Variants in XPO4 observed in about 807,000 individuals in gnomAD.
The protein encoded by XPO4 is exportin-4.
A neutral mutation model predicts 143.0 loss-of-function variants in XPO4; 39 were observed. The observed-to-expected ratio is 0.27, with a 90% CI of 0.21 to 0.36. The LOEUF (loss-of-function observed/expected upper bound fraction) is 0.36, where lower values mean the gene tolerates loss of function less well. XPO4 is among the 10% of genes least tolerant of loss of function. The pLI is 1.00. For synonymous variants in XPO4, 439 were observed against 474.0 expected, an observed-to-expected ratio of 0.93 and a Z score of 0.96; for missense variants, 907 against 1,348.0, an observed-to-expected ratio of 0.67 and a Z score of 5.12.
rs571312206 is a variant in XPO4, at chr13:20,810,853, T to C, written c.1174-886A>G. The stretch of plus-strand genomic sequence containing the variant: ...TTAGCTTGTAATCCTAATTGTCCTC[T>C]TTCCTATTCTTTCTTCTTCATTTAG... On this transcript the variant is annotated intron_variant, in intron 9 of 22. Transcript: ENST00000255305. 3.3e-5 allele frequency among the ~76,000 whole-genome samples: 5 copies of C among 152,334 alleles called. No homozygotes were observed. In the South Asian group the frequency reaches 1.0e-3, roughly 32 times the overall value.
At chr13:20,858,707 T>C (rs2060167768) in intron 3 of XPO4, among the ~76,000 whole-genome samples, 1 of 151,658 alleles carries the variant, frequency 6.6e-6, no homozygotes, top group Non-Finnish European at 1.5e-5. Flanking sequence ...CCGTCTCTAC[T>C]AAAAATGCAA....
chr13:20,815,470 A>G (rs761068484), intron 9 of XPO4, among the ~76,000 whole-genome samples: 1 of 152,182 alleles, frequency 6.6e-6, no homozygotes, highest in Non-Finnish European at 1.5e-5. Context: ...CTAAAATATA[A>G]AAAGTCTTTA....
intron 7 of XPO4, among the ~76,000 whole-genome samples, chr13:20,826,483 C>T (rs1441860857): frequency 6.6e-6 from 1 of 152,188 alleles, no homozygotes; most frequent in Non-Finnish European, 1.5e-5. Context: ...CCCATTCTCA[C>T]TGTCACACAG....
intron 6 of XPO4, among the ~76,000 whole-genome samples, chr13:20,839,187 C>T (rs2059948562): frequency 6.6e-6 from 1 of 152,082 alleles, no homozygotes; most frequent in Non-Finnish European, 1.5e-5. Flanking sequence ...TCGCCTGCAC[C>T]CAGAAGGCAG....
At chr13:20,794,643 G>C (rs2059332187) in intron 18 of XPO4, among the ~76,000 whole-genome samples, 1 of 152,180 alleles carries the variant, frequency 6.6e-6, no homozygotes, top group Non-Finnish European at 1.5e-5. Flanking sequence ...TAAGGTGGGA[G>C]AATAGTTTAA....
chr13:20,805,923 CT>C (rs59858147), intron 13 of XPO4, among the ~76,000 whole-genome samples: 359 of 143,496 alleles, frequency 2.5e-3, no homozygotes, highest in Middle Eastern at 0.01. Context: ...AACATGGTGA[CT>C]TTTTTTTTTT....
intron 4 of XPO4, chr13:20,851,048 A>G: frequency 2.0e-6 from 2 of 985,300 alleles, no homozygotes; most frequent in South Asian, 9.4e-5. Context: ...ATCAGTTATC[A>G]TTCTCCTTTC....
chr13:20,902,472 G>C lies in XPO4; in HGVS notation c.69+198C>G, dbSNP rs1361381857. On this transcript the variant is annotated intron_variant, in intron 1 of 22. Coordinates refer to ENST00000255305, the MANE Select transcript of XPO4 (RefSeq NM_022459.5). ...GCTGGGCAGCCAGGGGAAGGGGACA[G>C]CTCCTGGAAGGAGGGGACGACGGCA... is the stretch of plus-strand genomic sequence containing the variant. The C allele has an allele frequency of 4.1e-6, 4 of 985,426 alleles. No homozygotes were observed. In the East Asian group the frequency reaches 4.5e-4, roughly 112 times the overall value. 61.0% of individuals were successfully genotyped at this position (985,426 alleles called of 1,614,324 possible).
intron 6 of XPO4, among the ~76,000 whole-genome samples, chr13:20,836,542 A>G (rs949040177): frequency 6.6e-6 from 1 of 152,030 alleles, no homozygotes; most frequent in African/African-American, 2.4e-5. Context: ...CTTAACTTCA[A>G]TGGCCCCACT....
At chr13:20,852,074 C>G in intron 4 of XPO4, 5 of 985,444 alleles carry the variant, frequency 5.1e-6, no homozygotes, top group African/African-American at 1.7e-5. Context: ...CCAGTGCCAA[C>G]AAGCTACTTG....
intron 4 of XPO4, chr13:20,848,371 C>CTGA: frequency 1.0e-6 from 1 of 985,362 alleles, no homozygotes; most frequent in South Asian, 4.7e-5. Context: ...GGTCAAAGCC[C>CTGA]TTCATGTACC....
chr13:20,827,579 A>G (rs1237725362), intron 6 of XPO4, among the ~76,000 whole-genome samples: 2 of 152,186 alleles, frequency 1.3e-5, no homozygotes, highest in Non-Finnish European at 2.9e-5. Context: ...AACACCACAT[A>G]TACAAAATGT....
intron 3 of XPO4, 135 bp downstream of exon 3, chr13:20,862,582 C>G (rs894746233): frequency 2.8e-5 from 31 of 1,091,598 alleles, no homozygotes; most frequent in Admixed American, 1.7e-4. Context: ...TCCCTCTCAG[C>G]CTCCCAAAGT....
chr13:20,899,226 T>C (rs1374061602), intron 1 of XPO4, among the ~76,000 whole-genome samples: 1 of 151,802 alleles, frequency 6.6e-6, no homozygotes, highest in African/African-American at 2.4e-5. Context: ...TGGCAGCTTA[T>C]CCAATAATCT....
intron 6 of XPO4, among the ~76,000 whole-genome samples, chr13:20,838,865 A>T (rs986779158): frequency 2.0e-5 from 3 of 152,182 alleles, no homozygotes; most frequent in Non-Finnish European, 2.9e-5. Flanking sequence ...TAAATGGATT[A>T]AAAAAGTGGT....
At position 20,811,318 on chromosome 13, in the gene XPO4, C is replaced by T. The variant is rs563487286; in HGVS notation, c.1174-1351G>A. Among the ~76,000 whole-genome samples, 250 of 146,262 alleles carry T rather than the reference C, an allele frequency of 1.7e-3. 1 individual carries two copies. Among genetic ancestry groups the T allele is most frequent in the African/African-American group, 6.1e-3 (238 of 39,182 alleles). On this transcript the variant is annotated intron_variant, in intron 9 of 22. Transcript: ENST00000255305. ...TTTTTTTTTTTTTGAGATGGAGTCTCGCTCTGTTACCCAGGCTGGAGTGCA... is the reference window on the plus strand; with the variant it reads ...TTTTTTTTTTTTTGAGATGGAGTCTTGCTCTGTTACCCAGGCTGGAGTGCA...
intron 4 of XPO4, 104 bp from the exon 5 acceptor site, chr13:20,843,990 A>G: frequency 1.1e-5 from 9 of 810,908 alleles, no homozygotes; most frequent in Non-Finnish European, 1.9e-5. Flanking sequence ...CTAACTTTAG[A>G]TCTTCCACTG....
intron 1 of XPO4, among the ~76,000 whole-genome samples, chr13:20,876,813 G>A (rs960246118): frequency 6.6e-6 from 1 of 152,132 alleles, no homozygotes; most frequent in African/African-American, 2.4e-5. Flanking sequence ...CTTAAAGGTG[G>A]TGCGAACCCA....
At position 20,821,815 on chromosome 13, in the gene XPO4, C is replaced by T. The variant is rs775764158; in HGVS notation, c.1062G>A (p.Val354=). The T allele has an allele frequency of 6.2e-7, 1 of 1,614,110 alleles. No homozygotes were observed. The highest frequency in any genetic ancestry group is 8.5e-7 in the Non-Finnish European group (1 of 1,179,986). Residue 354 remains valine, a synonymous_variant, in exon 9 of 23, where the codon GTG becomes GTA. Coordinates refer to ENST00000255305, the MANE Select transcript of XPO4 (RefSeq NM_022459.5). ...ISSIISNLIT[V]FPRNVLTAIP... ...TGGCAGTTAAAACATTTCGTGGGAACACGGTTATCAGGTTGCTGATAATGC... is the reference window on the plus strand; with the variant it reads ...TGGCAGTTAAAACATTTCGTGGGAATACGGTTATCAGGTTGCTGATAATGC...
Sources: allele counts gnomAD v4.1 joint callset (sites outside exome capture counted in the v4.1 genomes callset), GRCh38; gene constraint gnomAD v4.1.1; transcripts MANE v1.5; gene names NCBI Gene and HGNC (gene_info 2026-07-23, HGNC 2026-07-21).